Variants in KIF6 observed in about 807,000 individuals in gnomAD.
The protein encoded by KIF6 is kinesin-like protein KIF6.
A neutral mutation model predicts 112.7 loss-of-function variants in KIF6; 106 were observed. The observed-to-expected ratio is 0.94, with a 90% CI of 0.80 to 1.11. The LOEUF is 1.11. KIF6 is among the 50% of genes least tolerant of loss of function. The pLI is 0.00. For missense variants in KIF6, 929 were observed against 964.0 expected (o/e 0.96, Z 0.48); for synonymous variants, 339 against 339.9 (o/e 1.00, Z 0.03).
intron 22 of KIF6, among the ~76,000 whole-genome samples, chr6:39,337,172 C>CCTCTTTCTTTCT (rs1554195077): frequency 3.4e-5 from 2 of 59,504 alleles, no homozygotes; most frequent in Admixed American, 3.9e-4. Context: ...TCTTTCCTTC[C>CCTCTTTCTTTCT]TTCTTTCTTT....
chr6:39,396,770 A>G (rs1383124652), intron 15 of KIF6, among the ~76,000 whole-genome samples: 1 of 152,196 alleles, frequency 6.6e-6, no homozygotes, highest in African/African-American at 2.4e-5. Context: ...TAGGTGCACA[A>G]TGAGTGGTGG....
intron 9 of KIF6, chr6:39,583,617 G>A (rs950392705): frequency 3.7e-6 from 1 of 269,790 alleles, no homozygotes; most frequent in Admixed American, 4.3e-5. Flanking sequence ...TTAATTTGTT[G>A]GTTTTTTTTT....
intron 13 of KIF6, among the ~76,000 whole-genome samples, chr6:39,510,371 C>T (rs1427301500): frequency 4.6e-5 from 7 of 152,108 alleles, no homozygotes; most frequent in Admixed American, 6.5e-5. Context: ...GGATTACAGG[C>T]GTGAGCCACC....
rs898469782 is a variant in KIF6, at chr6:39,343,069, G to T, written c.2428+640C>A. ...GCCCTGGGGCTTGCCCTGTGGGTGT[G>T]TTGGGGATGGAAGGCAGAAAGAGAA... On this transcript the variant is annotated intron_variant, in intron 22 of 22. Coordinates refer to ENST00000287152, the MANE Select transcript of KIF6 (RefSeq NM_145027.6). The surrounding 1 kb of genome is among the most constrained non-coding windows in gnomAD (Gnocchi z 4.1). The T allele has an allele frequency of 2.0e-6, 2 of 985,422 alleles. No individual in the cohort carries two copies. Among genetic ancestry groups the T allele is most frequent in the Non-Finnish European group, 2.4e-6 (2 of 829,932 alleles). The allele number at this position is 985,422 out of a possible 1,614,324, so 61.0% of individuals were successfully genotyped here. A position where few individuals can be genotyped will look rare whatever the true frequency, so the allele number is the denominator to read the frequency against.
chr6:39,468,422 A>G (rs1303009098), intron 13 of KIF6, among the ~76,000 whole-genome samples: 1 of 152,210 alleles, frequency 6.6e-6, no homozygotes, highest in African/African-American at 2.4e-5. Flanking sequence ...AGACCTAACT[A>G]CATCATAGTT....
intron 13 of KIF6, among the ~76,000 whole-genome samples, chr6:39,537,168 C>T (rs1261100151): frequency 6.6e-6 from 1 of 152,098 alleles, no homozygotes; most frequent in Non-Finnish European, 1.5e-5. Context: ...GACAGGGATG[C>T]CCTCTCTCAC....
chr6:39,685,113 G>T (rs968208144), intron 3 of KIF6, among the ~76,000 whole-genome samples: 4 of 152,226 alleles, frequency 2.6e-5, no homozygotes, highest in Admixed American at 1.3e-4. Context: ...TAGAAGGGAT[G>T]AGAGTAAATG....
chr6:39,709,226 G>A (rs1264838411), intron 3 of KIF6, among the ~76,000 whole-genome samples: 1 of 152,170 alleles, frequency 6.6e-6, no homozygotes, highest in Non-Finnish European at 1.5e-5. Context: ...ATACAGCTTT[G>A]GTCCCTGCCA....
Position 39,343,488 on chromosome 6 carries a change from C to G in KIF6, c.2428+221G>C. Reference sequence around the variant, plus strand: ...CCAAGAGGGACAGGAGCACCTGGGCCGCCCACCCACTTGGGCCTGTCTTGG... The same window carrying G: ...CCAAGAGGGACAGGAGCACCTGGGCGGCCCACCCACTTGGGCCTGTCTTGG... On this transcript the variant is annotated intron_variant, in intron 22 of 22. Coordinates refer to ENST00000287152, the MANE Select transcript of KIF6 (RefSeq NM_145027.6). This position sits in a 1 kb window ranked among gnomAD's most constrained non-coding sequence, Gnocchi z 4.1. 3.4e-6 allele frequency: 5 copies of G among 1,489,400 alleles called. No individual in the cohort carries two copies. Among genetic ancestry groups the G allele is most frequent in the Non-Finnish European group, 4.5e-6 (5 of 1,117,846 alleles). The allele number at this position is 1,489,400 out of a possible 1,614,324, so 92.3% of individuals were successfully genotyped here. A position where few individuals can be genotyped will look rare whatever the true frequency, so the allele number is the denominator to read the frequency against.
intron 22 of KIF6, among the ~76,000 whole-genome samples, chr6:39,337,230 T>TCTTTCTTTCTTTCTTTCTTTCTTTCTTC (rs1763069560): frequency 2.6e-5 from 3 of 114,402 alleles, no homozygotes; most frequent in Non-Finnish European, 4.9e-5. Context: ...TTTCTTTCTT[T>TCTTTCTTTCTTTCTTTCTTTCTTTCTTC]CTTTCTTTTT....
chr6:39,455,158 C>T (rs1287661300), intron 13 of KIF6, among the ~76,000 whole-genome samples: 11 of 152,274 alleles, frequency 7.2e-5, no homozygotes, highest in South Asian at 4.1e-4. Context: ...TCTCATAGCA[C>T]GCAGCTGGAG....
intron 5 of KIF6, chr6:39,617,617 C>T (rs1380342): frequency 8.4e-4 from 361 of 427,658 alleles, no homozygotes; most frequent in African/African-American, 6.7e-3. Flanking sequence ...ATAGTTATCA[C>T]GACAAATGTC....
chr6:39,523,888 C>G (rs555402318), intron 13 of KIF6, among the ~76,000 whole-genome samples: 1 of 151,692 alleles, frequency 6.6e-6, no homozygotes, highest in Non-Finnish European at 1.5e-5. Context: ...TAAACTCCAA[C>G]ACCTTGTACA....
intron 5 of KIF6, chr6:39,620,568 C>CATA (rs1336828017): frequency 6.6e-6 from 1 of 151,950 alleles, no homozygotes; most frequent in African/African-American, 2.4e-5. Flanking sequence ...CAACTATAAG[C>CATA]ATAATACATG....
Position 39,336,417 on chromosome 6 carries a change from A to G in KIF6, c.*115T>C. 3 of 951,654 alleles carry G rather than the reference A, an allele frequency of 3.2e-6. No homozygotes were observed. The highest frequency in any genetic ancestry group is 2.8e-5 in the South Asian group (2 of 72,490). The allele number at this position is 951,654 out of a possible 1,614,324, so 59.0% of individuals were successfully genotyped here. On this transcript the variant is annotated 3_prime_UTR_variant, in exon 23 of 23. Coordinates refer to ENST00000287152, the MANE Select transcript of KIF6 (RefSeq NM_145027.6). ...CCCCTCCATGGGAATCAAAGTCACT[A>G]GTTGCTCCCAGCAGCCCATAGTTCA...
In KIF6 at chr6:39,378,680, ATTT is replaced by A. The variant is rs1333498515; in HGVS notation, c.1861+6939_1861+6941del. Among the ~76,000 whole-genome samples, 3 of 152,192 alleles carry A rather than the reference ATTT, an allele frequency of 2.0e-5. No individual in the cohort carries two copies. Among genetic ancestry groups the A allele is most frequent in the Non-Finnish European group, 4.4e-5 (3 of 68,040 alleles). ...ATGGCCTGTCCCTCTCACCTGACAC[ATTT>A]CACATGCTGCTTGGTAGTGTGATGT... On this transcript the variant is annotated intron_variant, in intron 16 of 22. Transcript: ENST00000287152. This position sits in a 1 kb window ranked among gnomAD's most constrained non-coding sequence, Gnocchi z 5.0.
In KIF6 at chr6:39,436,080, A is replaced by C. The variant is rs149754328; in HGVS notation, c.1646-4919T>G. On this transcript the variant is annotated intron_variant, in intron 13 of 22. Transcript: ENST00000287152. The stretch of plus-strand genomic sequence containing the variant: ...TCTGGCTGGGGTAAGATGGTATTTC[A>C]TCGTGGTTTTAATTTGCATTTCCCT... 2.6e-5 allele frequency among the ~76,000 whole-genome samples: 4 copies of C among 152,254 alleles called. No individual in the cohort carries two copies. The East Asian group carries it at 7.7e-4, about 29-fold the overall frequency.
chr6:39,561,643 C>T (rs1257683027), intron 10 of KIF6, among the ~76,000 whole-genome samples: 1 of 152,126 alleles, frequency 6.6e-6, no homozygotes, highest in Admixed American at 6.5e-5. Context: ...AGGTGTGAGC[C>T]GCCGCACCTG....
intron 22 of KIF6, among the ~76,000 whole-genome samples, chr6:39,339,739 G>A (rs570106774): frequency 5.9e-5 from 9 of 152,328 alleles, no homozygotes; most frequent in Non-Finnish European, 1.0e-4. Context: ...CCTTACGGGT[G>A]TTATATACCT....
Sources: allele counts gnomAD v4.1 joint callset (sites outside exome capture counted in the v4.1 genomes callset), GRCh38; gene constraint gnomAD v4.1.1; non-coding constraint Gnocchi (gnomAD v3.1); transcripts MANE v1.5; gene names NCBI Gene and HGNC (gene_info 2026-07-23, HGNC 2026-07-21).